Variants in FAM184A observed in about 807,000 individuals in gnomAD.
FAM184A encodes protein FAM184A.
Under a neutral mutation model 143.8 loss-of-function variants are expected in FAM184A, and 99 were observed. The observed-to-expected ratio is 0.69, with a 90% confidence interval of 0.58 to 0.81. The LOEUF is 0.81. Ranked by LOEUF, FAM184A falls within the 40% of genes least tolerant of loss-of-function variation. The pLI, the probability that FAM184A is intolerant of heterozygous loss-of-function variation, is 0.00. For synonymous variants in FAM184A, 427 were observed against 446.4 expected (o/e 0.96, Z 0.55); for missense variants, 1,217 against 1,310.5 (o/e 0.93, Z 1.10).
intron 16 of FAM184A, chr6:118,963,753 A>G (rs1169889748): frequency 6.6e-6 from 1 of 151,866 alleles, no homozygotes; most frequent in Non-Finnish European, 1.5e-5. Flanking sequence ...CATAATTCCT[A>G]TGAAGCCAAT....
chr6:119,128,209 A>G (rs1465924111), intron 1 of FAM184A, among the ~76,000 whole-genome samples: 1 of 152,220 alleles, frequency 6.6e-6, no homozygotes, highest in African/African-American at 2.4e-5. Flanking sequence ...GACATGAGAG[A>G]CAAGAATTGG....
chr6:119,143,141 A>G (rs1000451259), intron 1 of FAM184A, among the ~76,000 whole-genome samples: 1 of 152,150 alleles, frequency 6.6e-6, no homozygotes, highest in African/African-American at 2.4e-5. Context: ...GTTTTAAGGT[A>G]CCCTGTTTTT....
intron 1 of FAM184A, among the ~76,000 whole-genome samples, chr6:119,119,396 C>T (rs894561900): frequency 1.3e-5 from 2 of 152,110 alleles, no homozygotes; most frequent in African/African-American, 2.4e-5. Context: ...CAGAAACTAC[C>T]GACATGTGAA....
intron 1 of FAM184A, among the ~76,000 whole-genome samples, chr6:119,065,262 GA>G (rs1371460229): frequency 1.3e-5 from 2 of 151,914 alleles, no homozygotes; most frequent in Non-Finnish European, 1.5e-5. Flanking sequence ...CTTACTATAA[GA>G]AGACCCATAT....
At chr6:119,029,688 G>C (rs190139642) in intron 1 of FAM184A, among the ~76,000 whole-genome samples, 15 of 152,270 alleles carry the variant, frequency 9.9e-5, no homozygotes, top group African/African-American at 3.6e-4. Context: ...TAGGATTTAA[G>C]TAAACAAAAC....
chr6:118,996,880 A>ATT (rs1784579242), intron 9 of FAM184A, among the ~76,000 whole-genome samples: 1 of 145,314 alleles, frequency 6.9e-6, no homozygotes, highest in African/African-American at 2.7e-5. Flanking sequence ...ATGCCTGGCT[A>ATT]ATTTTTTTTT....
intron 9 of FAM184A, among the ~76,000 whole-genome samples, chr6:118,999,052 G>A (rs1784663693): frequency 6.6e-6 from 1 of 152,184 alleles, no homozygotes; most frequent in East Asian, 1.9e-4. Context: ...GAGGTAGTAG[G>A]GAGAAGCAGG....
At chr6:119,061,895 T>C (rs1333582429) in intron 1 of FAM184A, among the ~76,000 whole-genome samples, 1 of 152,116 alleles carries the variant, frequency 6.6e-6, no homozygotes, top group Non-Finnish European at 1.5e-5. Flanking sequence ...TATCTACAAT[T>C]ATTTGTCAAT....
intron 1 of FAM184A, among the ~76,000 whole-genome samples, chr6:119,108,055 G>A (rs566803114): frequency 2.2e-4 from 33 of 151,910 alleles, no homozygotes; most frequent in South Asian, 1.9e-3. Context: ...AATTCTGGTA[G>A]TGAGGTTAGA....
intron 9 of FAM184A, among the ~76,000 whole-genome samples, chr6:118,998,071 T>C (rs1191057712): frequency 1.3e-5 from 2 of 152,154 alleles, no homozygotes; most frequent in South Asian, 2.1e-4. Flanking sequence ...TCAATACATC[T>C]AAGAGAAAAC....
intron 5 of FAM184A, 87 bp downstream of exon 5, chr6:119,016,660 T>A: frequency 8.5e-7 from 1 of 1,173,766 alleles, no homozygotes; most frequent in South Asian, 1.3e-5. Context: ...TTGAAGTCAG[T>A]GAGACCAAGA....
Position 119,002,908 on chromosome 6 carries a change from G to C in FAM184A, c.2079C>G (p.Leu693=). ...ACACATTATTAATTACCTGGTTTAA[G>C]AGATCTTCTACTTTCTTCTGCCATG... is the stretch of plus-strand genomic sequence containing the variant. ...RDSWQKKVED[L]LNQISLLKQN... is the part of the protein sequence containing the mutation. The change falls in exon 9 of 18, where the codon CTC becomes CTG. Residue 693 remains leucine (L), a synonymous_variant. Coordinates refer to ENST00000338891, the MANE Select transcript of FAM184A (RefSeq NM_024581.6). The C allele has an allele frequency of 6.2e-7, 1 of 1,609,774 alleles. No homozygotes were observed. The highest frequency in any genetic ancestry group is 2.2e-5 in the East Asian group (1 of 44,700).
intron 1 of FAM184A, among the ~76,000 whole-genome samples, chr6:119,055,381 A>G (rs191034198): frequency 6.6e-6 from 1 of 152,156 alleles, no homozygotes; most frequent in East Asian, 1.9e-4. Flanking sequence ...TTTTGTGTGG[A>G]TGTATGTTTT....
intron 1 of FAM184A, among the ~76,000 whole-genome samples, chr6:119,127,341 G>A (rs1198722820): frequency 6.6e-6 from 1 of 152,224 alleles, no homozygotes; most frequent in Non-Finnish European, 1.5e-5. Flanking sequence ...ACTAGTGGTG[G>A]TGAGGTATCT....
rs9401117 is a variant in FAM184A at position 119,030,554 on chromosome 6, A to G, written c.160-5741T>C. Among the ~76,000 whole-genome samples, 565 of 152,156 alleles carry G rather than the reference A, an allele frequency of 3.7e-3. 9 individuals are homozygous for G. The East Asian group carries it at 0.038, about 10-fold the overall frequency. ...ATATTAAATAAAGATCATATTATCT[A>G]CCTTAGCAGCACCATTGATATAAGA... On this transcript the variant is annotated intron_variant, in intron 1 of 17. Transcript: ENST00000338891.
intron 1 of FAM184A, among the ~76,000 whole-genome samples, chr6:119,028,536 A>C (rs1179570862): frequency 6.6e-6 from 1 of 152,214 alleles, no homozygotes; most frequent in South Asian, 2.1e-4. Context: ...CGGAGCCTTC[A>C]TAAAAACACA....
At chr6:119,010,122 G>A (rs1393613750) in intron 6 of FAM184A, among the ~76,000 whole-genome samples, 1 of 152,180 alleles carries the variant, frequency 6.6e-6, no homozygotes, top group Non-Finnish European at 1.5e-5. Flanking sequence ...TGAACTGGGA[G>A]AAGACTCCCT....
intron 1 of FAM184A, among the ~76,000 whole-genome samples, chr6:119,076,295 G>C (rs369976809): frequency 1.3e-5 from 2 of 152,166 alleles, no homozygotes; most frequent in African/African-American, 4.8e-5. Flanking sequence ...AGCAGAGGGG[G>C]TGGAGAGTGT....
intron 1 of FAM184A, among the ~76,000 whole-genome samples, chr6:119,045,307 T>TTG (rs397775789): frequency 2.0e-5 from 3 of 151,366 alleles, no homozygotes; most frequent in East Asian, 3.9e-4. Flanking sequence ...TTTTTTTTTT[T>TTG]GCCATTCTAT....
Sources: allele counts gnomAD v4.1 joint callset (sites outside exome capture counted in the v4.1 genomes callset), GRCh38; gene constraint gnomAD v4.1.1; transcripts MANE v1.5; gene names NCBI Gene and HGNC (gene_info 2026-07-23, HGNC 2026-07-21).